Variants in DTNBP1 observed in about 807,000 individuals in gnomAD.
DTNBP1 encodes dysbindin.
DTNBP1 carries 35 observed loss-of-function variants against 42.8 expected under a neutral mutation model. The observed-to-expected ratio is 0.82, with a 90% confidence interval of 0.63 to 1.09. The LOEUF (loss-of-function observed/expected upper bound fraction) is 1.09, where lower values mean the gene tolerates loss of function less well. Among genes scored for constraint, DTNBP1 ranks in the 50% least tolerant of loss-of-function variants. The pLI, the probability that DTNBP1 is intolerant of heterozygous loss-of-function variation, is 0.00. For synonymous variants in DTNBP1, 171 were observed against 162.2 expected (o/e 1.05, Z -0.41); for missense variants, 457 against 424.2 (o/e 1.08, Z -0.68).
intron 7 of DTNBP1, among the ~76,000 whole-genome samples, chr6:15,560,282 G>C (rs547148526): frequency 3.3e-5 from 5 of 152,112 alleles, no homozygotes; most frequent in Non-Finnish European, 1.5e-5. Context: ...CTCCAGCCTG[G>C]GCAACGGAGC....
At chr6:15,635,530 C>T (rs1054042918) in intron 4 of DTNBP1, among the ~76,000 whole-genome samples, 2 of 152,184 alleles carry the variant, frequency 1.3e-5, no homozygotes, top group Non-Finnish European at 2.9e-5. Context: ...AATTCTCAGA[C>T]ATGTTTTTCC....
intron 8 of DTNBP1, among the ~76,000 whole-genome samples, chr6:15,527,217 CG>C (rs1381697974): frequency 5.9e-5 from 9 of 152,098 alleles, no homozygotes; most frequent in Non-Finnish European, 1.0e-4. Flanking sequence ...TTTTTGGTTA[CG>C]TTTTTAAAGT....
At chr6:15,584,859 C>T (rs950503459) in intron 7 of DTNBP1, among the ~76,000 whole-genome samples, 2 of 148,662 alleles carry the variant, frequency 1.3e-5, no homozygotes, top group African/African-American at 4.9e-5. Context: ...CCTCAGTTAC[C>T]ACCCCCATGG....
At chr6:15,632,759 A>G (rs1453095255) in intron 4 of DTNBP1, among the ~76,000 whole-genome samples, 1 of 152,200 alleles carries the variant, frequency 6.6e-6, no homozygotes, top group African/African-American at 2.4e-5. Flanking sequence ...CTTAAGAGTC[A>G]ATTGCATGTA....
intron 6 of DTNBP1, among the ~76,000 whole-genome samples, chr6:15,605,557 ATTC>A (rs954703865): frequency 5.3e-5 from 8 of 152,112 alleles, no homozygotes; most frequent in Non-Finnish European, 1.0e-4. Context: ...GTCTGAAATT[ATTC>A]TTTTTTTCTT....
intron 3 of DTNBP1, among the ~76,000 whole-genome samples, chr6:15,649,381 T>C (rs530591335): frequency 6.6e-6 from 1 of 152,328 alleles, no homozygotes; most frequent in African/African-American, 2.4e-5. Context: ...GAAAACATTA[T>C]GCTAAATGAA....
At chr6:15,575,933 G>T (rs1443128054) in intron 7 of DTNBP1, among the ~76,000 whole-genome samples, 1 of 152,144 alleles carries the variant, frequency 6.6e-6, no homozygotes, top group Non-Finnish European at 1.5e-5. Flanking sequence ...TGCGCTACGT[G>T]CTGCTGGCCC....
chr6:15,584,412 G>C (rs1775970106), intron 7 of DTNBP1, among the ~76,000 whole-genome samples: 1 of 151,936 alleles, frequency 6.6e-6, no homozygotes, highest in Non-Finnish European at 1.5e-5. Flanking sequence ...AAATGCCAAA[G>C]TTCTCACTGA....
intron 5 of DTNBP1, 134 bp from the exon 6 acceptor site, chr6:15,615,533 C>T: frequency 8.5e-7 from 1 of 1,181,708 alleles, no homozygotes; most frequent in East Asian, 2.5e-5. Context: ...ATTAAACTTT[C>T]TTGAAGCAAA....
intron 7 of DTNBP1, among the ~76,000 whole-genome samples, chr6:15,572,795 G>A (rs906459150): frequency 1.3e-5 from 2 of 152,186 alleles, no homozygotes; most frequent in Non-Finnish European, 2.9e-5. Context: ...GCAGTGATGT[G>A]ATCGTGGCTC....
At chr6:15,619,892 T>G (rs940368395) in intron 5 of DTNBP1, among the ~76,000 whole-genome samples, 1 of 150,616 alleles carries the variant, frequency 6.6e-6, no homozygotes, top group East Asian at 2.0e-4. Context: ...TGCTATAAAA[T>G]AGTAGGTCTT....
chr6:15,524,373 C>T (rs1371492275), intron 9 of DTNBP1, 153 bp downstream of exon 9: 11 of 1,613,598 alleles, frequency 6.8e-6, no homozygotes, highest in Admixed American at 3.3e-5. Flanking sequence ...GCCACACAGC[C>T]GTGTGGAACC....
chr6:15,614,804 C>T (rs1013508929), intron 6 of DTNBP1, among the ~76,000 whole-genome samples: 1 of 152,100 alleles, frequency 6.6e-6, no homozygotes, highest in African/African-American at 2.4e-5. Flanking sequence ...ACATTGAGGC[C>T]AAGAGAGATA....
rs992477667 is a variant in DTNBP1, at chr6:15,523,201, C to T, written c.830G>A (p.Cys277Tyr). ...AACCTGGAGGGTAATCTCATTCTGACAGGTACTGGATTCAGGCCCTGCAAA... is the reference window on the plus strand; with the variant it reads ...AACCTGGAGGGTAATCTCATTCTGATAGGTACTGGATTCAGGCCCTGCAAA... ...SPALGPESST[C>Y]QNEITLQVPN... Residue 277 changes from cysteine (C) to tyrosine (Y), a missense_variant, in exon 10 of 10, where the codon TGT (cysteine) becomes TAT (tyrosine). Cys to Tyr is a radical substitution (Grantham distance 194). Coordinates refer to ENST00000344537, the MANE Select transcript of DTNBP1 (RefSeq NM_032122.5). The T allele has an allele frequency of 1.9e-6, 3 of 1,614,214 alleles. No homozygotes were observed. Among genetic ancestry groups the T allele is most frequent in the Non-Finnish European group, 2.5e-6 (3 of 1,180,032 alleles).
intron 4 of DTNBP1, among the ~76,000 whole-genome samples, chr6:15,633,384 T>C (rs1216949776): frequency 6.6e-6 from 1 of 152,146 alleles, no homozygotes; most frequent in Non-Finnish European, 1.5e-5. Flanking sequence ...TCACACAACA[T>C]TCATGACTCA....
chr6:15,564,801 A>G (rs1380140367), intron 7 of DTNBP1, among the ~76,000 whole-genome samples: 1 of 152,116 alleles, frequency 6.6e-6, no homozygotes, highest in Non-Finnish European at 1.5e-5. Context: ...CAACATCATT[A>G]GTTATCACAG....
intron 5 of DTNBP1, among the ~76,000 whole-genome samples, chr6:15,625,146 A>G (rs180812926): frequency 1.8e-4 from 27 of 152,324 alleles, no homozygotes; most frequent in Admixed American, 3.3e-4. Flanking sequence ...ACAGTCATTC[A>G]TTACTAATTA....
chr6:15,538,150 TCC>T (rs1429680778), intron 7 of DTNBP1, among the ~76,000 whole-genome samples: 2 of 152,120 alleles, frequency 1.3e-5, no homozygotes, highest in Non-Finnish European at 2.9e-5. Flanking sequence ...CACAGCTGAC[TCC>T]TTAAAGGGGG....
At chr6:15,536,934 C>G (rs571099081) in intron 7 of DTNBP1, among the ~76,000 whole-genome samples, 2 of 152,376 alleles carry the variant, frequency 1.3e-5, no homozygotes, top group East Asian at 3.9e-4. Flanking sequence ...GATTTAATGA[C>G]TGCCCTGCTG....
Sources: allele counts gnomAD v4.1 joint callset (sites outside exome capture counted in the v4.1 genomes callset), GRCh38; gene constraint gnomAD v4.1.1; transcripts MANE v1.5; gene names NCBI Gene and HGNC (gene_info 2026-07-23, HGNC 2026-07-21).